BRWD3: variants seen among roughly 807,000 people sequenced by gnomAD.
BRWD3 encodes bromodomain and WD repeat domain containing 3.
A neutral mutation model predicts 149.7 loss-of-function variants in BRWD3; 10 were observed. That is an observed-to-expected ratio of 0.07 (90% CI 0.04 to 0.11). BRWD3 has a LOEUF of 0.11. Ranked by LOEUF, BRWD3 falls within the 10% of genes least tolerant of loss-of-function variation. BRWD3 has a pLI of 1.00. For synonymous variants in BRWD3, 504 were observed against 456.7 expected, an observed-to-expected ratio of 1.10 and a Z score of -1.32; for missense variants, 940 against 1,373.2, an observed-to-expected ratio of 0.68 and a Z score of 4.99.
chrX:80,749,909 A>G (rs2073643430), intron 6 of BRWD3, among the ~76,000 whole-genome samples: 1 of 111,624 alleles, frequency 9.0e-6, no homozygotes, highest in Non-Finnish European at 1.9e-5. Context: ...AACCAAGGGA[A>G]CAGGATATAA....
chrX:80,794,878 C>G (rs1421178140), intron 4 of BRWD3, among the ~76,000 whole-genome samples: 6 of 111,096 alleles, frequency 5.4e-5, no homozygotes, highest in Non-Finnish European at 7.5e-5. Context: ...ATCAGAAGAC[C>G]TAGATTCTAT....
At chrX:80,729,853 A>G (rs1284222106) in intron 13 of BRWD3, 63 bp downstream of exon 13, 1 of 747,601 alleles carries the variant, frequency 1.3e-6, no homozygotes, top group East Asian at 3.3e-5. Context: ...TTTTATATTC[A>G]CTATTAAACT....
intron 34 of BRWD3, among the ~76,000 whole-genome samples, chrX:80,687,342 G>A (rs1206749821): frequency 9.0e-6 from 1 of 111,236 alleles, no homozygotes; most frequent in South Asian, 3.8e-4. Context: ...AAGTATACTT[G>A]ACAATGGCAT....
chrX:80,802,612 C>T (rs7066695), intron 4 of BRWD3, among the ~76,000 whole-genome samples: 6,034 of 109,917 alleles, frequency 0.055, 422 homozygotes, highest in African/African-American at 0.19. Flanking sequence ...ATTTGCACAG[C>T]ATTTTACAAT....
intron 27 of BRWD3, among the ~76,000 whole-genome samples, chrX:80,694,951 G>A (rs1309916363): frequency 9.0e-6 from 1 of 110,882 alleles, no homozygotes; most frequent in Non-Finnish European, 1.9e-5. Context: ...GAGGTGCCAG[G>A]GGCTGAATGA....
rs1254639847 is a variant in BRWD3, at chrX:80,809,039, G to A, written c.94C>T (p.Leu32=). 2 of 1,189,301 alleles carry A rather than the reference G, an allele frequency of 1.7e-6. No homozygotes were observed. The highest frequency in any genetic ancestry group is 2.3e-5 in the Admixed American group (1 of 42,909). ...SGPCNKSAQV[L]VQELEEHQLI... Reference sequence around the variant, plus strand: ...TGATGCTCCTCGAGCTCCTGCACTAGCACCTGAGCAAAAGGGAAACACAGA... The same window carrying A: ...TGATGCTCCTCGAGCTCCTGCACTAACACCTGAGCAAAAGGGAAACACAGA... Residue 32 remains leucine (L), a synonymous_variant, in exon 3 of 41, where the codon CTA becomes TTA. Transcript: ENST00000373275.
intron 30 of BRWD3, among the ~76,000 whole-genome samples, chrX:80,691,542 G>A (rs770166982): frequency 3.6e-5 from 4 of 111,471 alleles, no homozygotes; most frequent in African/African-American, 6.5e-5. Context: ...TCCAAAGTCA[G>A]GCTCAGGAAT....
intron 37 of BRWD3, 108 bp downstream of exon 37, chrX:80,683,902 T>A: frequency 4.0e-6 from 3 of 748,025 alleles, no homozygotes; most frequent in Non-Finnish European, 6.1e-6. Flanking sequence ...AATGTATCTT[T>A]ATGCATGCCT....
rs2072339426 is a variant in BRWD3, at chrX:80,673,513, A to G, written c.*3096T>C. 1 of 111,538 alleles carries G rather than the reference A, an allele frequency of 9.0e-6. No homozygotes were observed. The highest frequency in any genetic ancestry group is 1.9e-5 in the Non-Finnish European group (1 of 52,994). The allele number at this position is 111,538 out of a possible 1,213,427, so 9.2% of individuals were successfully genotyped here. A position where few individuals can be genotyped will look rare whatever the true frequency, so the allele number is the denominator to read the frequency against. ...GTTGGGGAAAAAACTTTACACACATACAAGTGCACAAACACACATATACAA... is the reference window on the plus strand; with the variant it reads ...GTTGGGGAAAAAACTTTACACACATGCAAGTGCACAAACACACATATACAA... On this transcript the variant is annotated 3_prime_UTR_variant, in exon 41 of 41. Coordinates refer to ENST00000373275, the MANE Select transcript of BRWD3 (RefSeq NM_153252.5).
At chrX:80,752,564 T>C (rs2073682874) in intron 6 of BRWD3, among the ~76,000 whole-genome samples, 2 of 112,141 alleles carry the variant, frequency 1.8e-5, no homozygotes, top group African/African-American at 6.5e-5. Flanking sequence ...CCAAAATGTT[T>C]TTTTAAAATA....
intron 6 of BRWD3, among the ~76,000 whole-genome samples, chrX:80,790,115 T>C (rs1172988151): frequency 2.3e-5 from 2 of 87,878 alleles, no homozygotes; most frequent in African/African-American, 9.3e-5. Context: ...AACGAGGGAG[T>C]GGGGAGGTTG....
chrX:80,749,267 G>A (rs1362790715), intron 6 of BRWD3, among the ~76,000 whole-genome samples: 1 of 111,170 alleles, frequency 9.0e-6, no homozygotes, highest in Non-Finnish European at 1.9e-5. Flanking sequence ...TTGAAAGTGA[G>A]GTATTGATGT....
At chrX:80,718,292 A>G (rs2073101011) in intron 18 of BRWD3, among the ~76,000 whole-genome samples, 1 of 112,338 alleles carries the variant, frequency 8.9e-6, no homozygotes, top group South Asian at 3.6e-4. Flanking sequence ...AATACTCCAG[A>G]AAGGTTCATG....
intron 15 of BRWD3, 139 bp downstream of exon 15, chrX:80,724,794 G>T: frequency 2.8e-6 from 2 of 704,445 alleles, no homozygotes; most frequent in Non-Finnish European, 4.3e-6. Flanking sequence ...CAATTCTTGA[G>T]TTATTCTCTG....
intron 4 of BRWD3, among the ~76,000 whole-genome samples, chrX:80,797,200 T>C (rs911145422): frequency 8.9e-6 from 1 of 111,952 alleles, no homozygotes; most frequent in Non-Finnish European, 1.9e-5. Flanking sequence ...TATTAACAAC[T>C]GTAACAGCTT....
intron 8 of BRWD3, among the ~76,000 whole-genome samples, chrX:80,740,623 C>A (rs925393454): frequency 2.7e-5 from 3 of 111,600 alleles, no homozygotes; most frequent in African/African-American, 9.8e-5. Context: ...GTGGCGCATG[C>A]CGGTAGTACC....
chrX:80,724,967 T>G lies in BRWD3; in HGVS notation c.1487A>C (p.Asp496Ala), dbSNP rs1425660713. The G allele has an allele frequency of 3.3e-6, 4 of 1,210,520 alleles. No individual in the cohort carries two copies. The highest frequency in any genetic ancestry group is 4.5e-6 in the Non-Finnish European group (4 of 894,560). The change falls in exon 15 of 41, where the codon GAC (aspartate) becomes GCC (alanine). Residue 496 changes from aspartate (D) to alanine (A), a missense_variant. This residue lies in a region of BRWD3 where 209 missense variants were observed against 396.8 expected (regional missense o/e 0.53). Transcript: ENST00000373275. Reference sequence around the variant, plus strand: ...GTAATTCCGAATTTTGGTCCCCCGGTCAAGGTCCCAAATAAAAATGTTCCC... The same window carrying G: ...GTAATTCCGAATTTTGGTCCCCCGGGCAAGGTCCCAAATAAAAATGTTCCC... ...HDGNIFIWDL[D>A]RGTKIRNYFN...
At chrX:80,761,573 A>C (rs2073802988) in intron 6 of BRWD3, among the ~76,000 whole-genome samples, 1 of 111,962 alleles carries the variant, frequency 8.9e-6, no homozygotes, top group African/African-American at 3.2e-5. Flanking sequence ...AAAAATTTGA[A>C]TTAGCAGGCA....
At chrX:80,701,650 C>T (rs757233558) in intron 24 of BRWD3, among the ~76,000 whole-genome samples, 13 of 106,394 alleles carry the variant, frequency 1.2e-4, no homozygotes, top group African/African-American at 4.4e-4. Flanking sequence ...CATTAACATA[C>T]TCTACCAATC....
Sources: allele counts gnomAD v4.1 joint callset (sites outside exome capture counted in the v4.1 genomes callset), GRCh38; gene constraint gnomAD v4.1.1; regional missense constraint gnomAD v4.1.1; transcripts MANE v1.5; gene names NCBI Gene and HGNC (gene_info 2026-07-23, HGNC 2026-07-21).